FAM120AOS: variants seen among roughly 807,000 people sequenced by gnomAD.
FAM120AOS encodes uncharacterized protein FAM120AOS.
Under a neutral mutation model 20.2 loss-of-function variants are expected in FAM120AOS, and 15 were observed. The observed-to-expected ratio is 0.74, with a 90% CI of 0.50 to 1.15. The LOEUF is 1.15. Ranked by LOEUF, FAM120AOS falls within the 50% of genes most tolerant of loss-of-function variation. The pLI is 0.00. For synonymous variants in FAM120AOS, 154 were observed against 154.0 expected (o/e 1.00, Z 0.00); for missense variants, 327 against 351.9 (o/e 0.93, Z 0.57).
Position 93,452,368 on chromosome 9 carries a change from G to C in FAM120AOS, c.342C>G (p.Ser114Arg), listed in dbSNP as rs1368652848. ...GCATGGCCCACTGCATCCGCCTGGC[G>C]CTCATCCGCTTCCACGTCAAGGTGA... ...PGLTLTWKRM[S>R]ARRMQWAMQT... The change falls in exon 1 of 3, where the codon AGC becomes AGG. Residue 114 changes from serine to arginine, a missense_variant. Physicochemically the swap from Ser to Arg is moderately radical, Grantham distance 110 (BLOSUM62 -1). Around this residue, in one of 3 missense-constraint regions of FAM120AOS, gnomAD observed 86 missense variants for 140.2 expected, o/e 0.61. Coordinates refer to ENST00000375412, the MANE Select transcript of FAM120AOS (RefSeq NM_198841.4). The surrounding 1 kb of genome is among the most constrained non-coding windows in gnomAD (Gnocchi z 7.0). 2.5e-6 allele frequency: 4 copies of C among 1,609,930 alleles called. No homozygotes were observed. The East Asian group carries it at 8.9e-5, about 36-fold the overall frequency.
rs1306385045 is a variant in FAM120AOS at position 93,444,177 on chromosome 9, A to C, written c.*3434T>G. ...TGCCTCAGCCTCCCGAGTAGCTGGA[A>C]TTATAGGCATGCACCACCACGCCCA... On this transcript the variant is annotated 3_prime_UTR_variant, in exon 3 of 3. Coordinates refer to ENST00000375412, the MANE Select transcript of FAM120AOS (RefSeq NM_198841.4). Among the ~76,000 whole-genome samples, 1 of 151,988 alleles carries C rather than the reference A, an allele frequency of 6.6e-6. No individual in the cohort carries two copies. Among genetic ancestry groups the C allele is most frequent in the Non-Finnish European group, 1.5e-5 (1 of 68,004 alleles).
In FAM120AOS at chr9:93,444,601, G is replaced by A. The variant is rs1012532652; in HGVS notation, c.*3010C>T. ...AATGTCACAGTATGTTTTGAGGCCA[G>A]TAAGGAGTTCTGCTTTTTTTTTTTT... is the stretch of plus-strand genomic sequence containing the variant. On this transcript the variant is annotated 3_prime_UTR_variant, in exon 3 of 3. Coordinates refer to ENST00000375412, the MANE Select transcript of FAM120AOS (RefSeq NM_198841.4). Among the ~76,000 whole-genome samples the A allele has an allele frequency of 2.0e-5, 3 of 151,426 alleles. No homozygotes were observed. Among genetic ancestry groups the A allele is most frequent in the African/African-American group, 7.3e-5 (3 of 41,258 alleles).
At chr9:93,448,654 G>C (rs912362323) in intron 2 of FAM120AOS, among the ~76,000 whole-genome samples, 2 of 152,078 alleles carry the variant, frequency 1.3e-5, no homozygotes, top group Admixed American at 6.5e-5. Flanking sequence ...GTCTCGCTCT[G>C]TTGCCCAGGC....
At chr9:93,449,492 A>AT (rs10667664) in intron 2 of FAM120AOS, among the ~76,000 whole-genome samples, 3,606 of 109,316 alleles carry the variant, frequency 0.033, 386 homozygotes, top group African/African-American at 0.12. Context: ...TGGCACTGGC[A>AT]TTTTTTTTTT....
rs985394444 is a variant in FAM120AOS, at chr9:93,444,724, T to C, written c.*2887A>G. Among the ~76,000 whole-genome samples the C allele has an allele frequency of 4.0e-5, 6 of 151,806 alleles. No individual in the cohort carries two copies. The highest frequency in any genetic ancestry group is 1.5e-4 in the African/African-American group (6 of 41,314). ...CCGCCTCCCAGGTTCAAGGGATTCT[T>C]CTGCCTCAGCCTCCCTAGTAGCTGG... On this transcript the variant is annotated 3_prime_UTR_variant, in exon 3 of 3. Coordinates refer to ENST00000375412, the MANE Select transcript of FAM120AOS (RefSeq NM_198841.4).
chr9:93,451,272 C>T, intron 1 of FAM120AOS: 1 of 1,480,596 alleles, frequency 6.8e-7, no homozygotes, highest in East Asian at 2.5e-5. Flanking sequence ...CTCGGCTCCC[C>T]TTCAAAGCGC....
chr9:93,452,167 C>T lies in FAM120AOS; in HGVS notation c.543G>A (p.Gln181=). ...KTKSSMLPPK[Q]ALASAARNLC... is the part of the protein sequence containing the mutation. ...GCTACCTGGCGGCGCTGGCCAAGGC[C>T]TGCTTCGGCGGCAACATCGAGCTCT... The change falls in exon 1 of 3, where the codon CAG becomes CAA. Residue 181 remains glutamine, a synonymous_variant. Transcript: ENST00000375412. The surrounding 1 kb of genome is among the most constrained non-coding windows in gnomAD (Gnocchi z 7.0). 1 of 1,611,788 alleles carries T rather than the reference C, an allele frequency of 6.2e-7. No individual in the cohort carries two copies. Among genetic ancestry groups the T allele is most frequent in the Non-Finnish European group, 8.5e-7 (1 of 1,179,778 alleles).
In FAM120AOS at chr9:93,444,659, G is replaced by A. The variant is rs1477207749; in HGVS notation, c.*2952C>T. Among the ~76,000 whole-genome samples the A allele has an allele frequency of 6.6e-6, 1 of 151,404 alleles. No homozygotes were observed. Among genetic ancestry groups the A allele is most frequent in the Non-Finnish European group, 1.5e-5 (1 of 67,940 alleles). ...GACGGAGTTTCGCTCTTGTTGCCCAGGCTGGAGTGCAATGGTGCGATCTCG... is the reference window on the plus strand; with the variant it reads ...GACGGAGTTTCGCTCTTGTTGCCCAAGCTGGAGTGCAATGGTGCGATCTCG... On this transcript the variant is annotated 3_prime_UTR_variant, in exon 3 of 3. Coordinates refer to ENST00000375412, the MANE Select transcript of FAM120AOS (RefSeq NM_198841.4).
At position 93,446,473 on chromosome 9, in the gene FAM120AOS, T is replaced by C. The variant is rs183946458; in HGVS notation, c.*1138A>G. The C allele has an allele frequency of 4.6e-5, 7 of 151,808 alleles. No individual in the cohort carries two copies. Among genetic ancestry groups the C allele is most frequent in the African/African-American group, 1.5e-4 (6 of 41,322 alleles). The allele number at this position is 151,808 out of a possible 1,614,324, so 9.4% of individuals were successfully genotyped here. On this transcript the variant is annotated 3_prime_UTR_variant, in exon 3 of 3. Transcript: ENST00000375412. Reference sequence around the variant, plus strand: ...GCTTTATACTTACGGGAATTCCTAATTAAAAAAAAAACTCACTTGATTTAT... The same window carrying C: ...GCTTTATACTTACGGGAATTCCTAACTAAAAAAAAAACTCACTTGATTTAT...
At chr9:93,450,775 G>T (rs1358935898) in intron 1 of FAM120AOS, 176 bp from the exon 2 acceptor site, 11 of 1,118,018 alleles carry the variant, frequency 9.8e-6, no homozygotes, top group Non-Finnish European at 1.5e-5. Context: ...AGTTACGACA[G>T]AGCTTTGGAA....
intron 1 of FAM120AOS, chr9:93,451,890 C>T (rs1247443627): frequency 1.8e-5 from 22 of 1,239,882 alleles, no homozygotes; most frequent in Non-Finnish European, 2.2e-5. Context: ...CCCGCCCGCA[C>T]CCGCGCCCGC....
intron 1 of FAM120AOS, chr9:93,451,153 G>GCA (rs1857154874): frequency 3.9e-6 from 6 of 1,550,286 alleles, no homozygotes; most frequent in South Asian, 2.4e-5. Context: ...CGGCCGGCCA[G>GCA]CATCCCGCTC....
At chr9:93,450,208 CG>C (rs1482678375) in intron 2 of FAM120AOS, among the ~76,000 whole-genome samples, 1 of 152,016 alleles carries the variant, frequency 6.6e-6, no homozygotes, top group Non-Finnish European at 1.5e-5. Context: ...AGGCTGGTCT[CG>C]AACTCCTGAT....
chr9:93,451,279 G>T, intron 1 of FAM120AOS: 1 of 1,475,642 alleles, frequency 6.8e-7, no homozygotes, highest in Non-Finnish European at 9.0e-7. Flanking sequence ...CCCCTTCAAA[G>T]CGCCATCTTA....
chr9:93,443,816 G>A lies in FAM120AOS; in HGVS notation c.*3795C>T, dbSNP rs757862696. 6.6e-6 allele frequency among the ~76,000 whole-genome samples: 1 copy of A among 152,128 alleles called. No homozygotes were observed. The highest frequency in any genetic ancestry group is 1.5e-5 in the Non-Finnish European group (1 of 68,020). Reference sequence around the variant, plus strand: ...TCCCCCCAGACTCCCTGGCACCCAGGGGGCCCCTTTTCCTCATCCTCTGGC... The same window carrying A: ...TCCCCCCAGACTCCCTGGCACCCAGAGGGCCCCTTTTCCTCATCCTCTGGC... On this transcript the variant is annotated 3_prime_UTR_variant, in exon 3 of 3. Transcript: ENST00000375412.
chr9:93,452,671 G>A lies in FAM120AOS; in HGVS notation c.39C>T (p.Val13=). 2 of 1,598,870 alleles carry A rather than the reference G, an allele frequency of 1.3e-6. No individual in the cohort carries two copies. Among genetic ancestry groups the A allele is most frequent in the Non-Finnish European group, 1.7e-6 (2 of 1,179,916 alleles). ...GAGCCCCGGACCAGAATTCGGAGGC[G>A]ACAGTGTCATCATCCCCAATATCCT... ...KTKDIGDDDT[V]ASEFWSGALS... Residue 13 remains valine, a synonymous_variant, in exon 1 of 3, where the codon GTC becomes GTT. Coordinates refer to ENST00000375412, the MANE Select transcript of FAM120AOS (RefSeq NM_198841.4). The surrounding 1 kb of genome is among the most constrained non-coding windows in gnomAD (Gnocchi z 7.0).
Position 93,446,435 on chromosome 9 carries a change from A to G in FAM120AOS, c.*1176T>C, listed in dbSNP as rs1261430973. 6.6e-6 allele frequency: 1 copy of G among 152,214 alleles called. No homozygotes were observed. Among genetic ancestry groups the G allele is most frequent in the African/African-American group, 2.4e-5 (1 of 41,448 alleles). The allele number at this position is 152,214 out of a possible 1,614,324, so 9.4% of individuals were successfully genotyped here. ...TAACAATAGCTAGTCTCTAAAATGTACATCTTAAAATGGCTTTATACTTAC... is the reference window on the plus strand; with the variant it reads ...TAACAATAGCTAGTCTCTAAAATGTGCATCTTAAAATGGCTTTATACTTAC... On this transcript the variant is annotated 3_prime_UTR_variant, in exon 3 of 3. Coordinates refer to ENST00000375412, the MANE Select transcript of FAM120AOS (RefSeq NM_198841.4).
chr9:93,449,677 G>T (rs952512877), intron 2 of FAM120AOS, among the ~76,000 whole-genome samples: 3 of 151,876 alleles, frequency 2.0e-5, no homozygotes, highest in African/African-American at 7.3e-5. Flanking sequence ...TAGTAGAGAT[G>T]GGGTTTTACC....
At chr9:93,451,295 G>C (rs972858795) in intron 1 of FAM120AOS, 15 of 1,464,998 alleles carry the variant, frequency 1.0e-5, no homozygotes, top group South Asian at 2.7e-5. Context: ...TCTTATCGCT[G>C]CTTCCCTCAG....
Sources: allele counts gnomAD v4.1 joint callset (sites outside exome capture counted in the v4.1 genomes callset), GRCh38; gene constraint gnomAD v4.1.1; regional missense constraint gnomAD v4.1.1; non-coding constraint Gnocchi (gnomAD v3.1); transcripts MANE v1.5; gene names NCBI Gene and HGNC (gene_info 2026-07-23, HGNC 2026-07-21).